Variants in SEC14L2 observed in about 807,000 individuals in gnomAD.
SEC14L2 encodes the protein SEC14-like protein 2.
Under a neutral mutation model 56.9 loss-of-function variants are expected in SEC14L2, and 50 were observed. The ratio of observed to expected loss-of-function variants is 0.88; its 90% CI spans 0.70 to 1.11. The LOEUF (loss-of-function observed/expected upper bound fraction) is 1.11, where lower values mean the gene tolerates loss of function less well. Among genes scored for constraint, SEC14L2 ranks in the 50% most tolerant of loss-of-function variants. SEC14L2 has a pLI of 0.00. For synonymous variants in SEC14L2, 179 were observed against 188.5 expected, an observed-to-expected ratio of 0.95 and a Z score of 0.41; for missense variants, 414 against 500.7, an observed-to-expected ratio of 0.83 and a Z score of 1.65.
chr22:30,411,623 G>A (rs908544593), intron 8 of SEC14L2, among the ~76,000 whole-genome samples: 2 of 150,954 alleles, frequency 1.3e-5, no homozygotes, highest in Non-Finnish European at 2.9e-5. Flanking sequence ...GTGTGCACCT[G>A]TAATCCCAGC....
intron 2 of SEC14L2, among the ~76,000 whole-genome samples, chr22:30,400,859 C>CA (rs1933907590): frequency 8.1e-6 from 1 of 123,056 alleles, no homozygotes; most frequent in Admixed American, 1.1e-4. Flanking sequence ...TTCGCCACTG[C>CA]ACTCCAGCCT....
intron 8 of SEC14L2, 30 bp from the exon 9 acceptor site, chr22:30,415,729 A>G (rs1321789636): frequency 6.3e-7 from 1 of 1,595,468 alleles, no homozygotes; most frequent in Non-Finnish European, 8.6e-7. Context: ...GTTGAGATAC[A>G]TCTTTATCCT....
intron 8 of SEC14L2, among the ~76,000 whole-genome samples, chr22:30,412,779 G>C (rs1934284203): frequency 6.7e-6 from 1 of 149,278 alleles, no homozygotes. Context: ...GTCATGATGG[G>C]TGCCACTGCA....
At chr22:30,410,117 G>T (rs1347043185) in intron 7 of SEC14L2, among the ~76,000 whole-genome samples, 1 of 151,678 alleles carries the variant, frequency 6.6e-6, no homozygotes, top group Admixed American at 6.6e-5. Flanking sequence ...AAAATCACTT[G>T]AACCCGGGAG....
intron 6 of SEC14L2, 55 bp downstream of exon 6, chr22:30,409,337 C>A (rs780886321): frequency 4.4e-6 from 7 of 1,601,486 alleles, no homozygotes; most frequent in Non-Finnish European, 5.1e-6. Flanking sequence ...GAGGAGTAGA[C>A]CCCTCTCCTA....
intron 8 of SEC14L2, among the ~76,000 whole-genome samples, chr22:30,412,503 GGA>G (rs1207745947): frequency 6.6e-6 from 1 of 152,054 alleles, no homozygotes; most frequent in Admixed American, 6.6e-5. Flanking sequence ...GGGATAGAGA[GGA>G]GAGGATGGAT....
intron 1 of SEC14L2, among the ~76,000 whole-genome samples, chr22:30,399,396 T>A (rs1933854553): frequency 6.7e-6 from 1 of 150,356 alleles, no homozygotes; most frequent in South Asian, 2.1e-4. Flanking sequence ...GCCCCTGTAG[T>A]CCCAGCTACT....
chr22:30,399,513 CAAAAAAAAAAA>C (rs60817387), intron 1 of SEC14L2, 119 bp from the exon 2 acceptor site: 52 of 242,840 alleles, frequency 2.1e-4, no homozygotes, highest in Admixed American at 3.6e-4. Context: ...GACTCTATCT[CAAAAAAAAAAA>C]AAAAAAAAAA....
intron 11 of SEC14L2, among the ~76,000 whole-genome samples, chr22:30,418,680 TC>T (rs1934443715): frequency 6.6e-6 from 1 of 152,180 alleles, no homozygotes; most frequent in Non-Finnish European, 1.5e-5. Context: ...CAGGATCCAT[TC>T]CCCCTTCCCA....
rs926138484 is a variant in SEC14L2, at chr22:30,409,300, G to A, written c.519+18G>A. ...ATGGAGAGGTGAGGGGCAGGGGTGG[G>A]GAGGAAGGGGACAGAGGGAAGGGGA... On this transcript the variant is annotated intron_variant, in intron 6 of 11. Transcript: ENST00000615189. 1.9e-6 allele frequency: 3 copies of A among 1,611,044 alleles called. No homozygotes were observed. The highest frequency in any genetic ancestry group is 2.5e-6 in the Non-Finnish European group (3 of 1,177,690).
rs114750549 is a variant in SEC14L2 at position 30,419,287 on chromosome 22, C to T, written c.1081+2884C>T. ...GAAGTGATGGCCGGGCGTGGTGGCTCATGCCTGTAATGCCAGCATTTTGGG... is the reference window on the plus strand; with the variant it reads ...GAAGTGATGGCCGGGCGTGGTGGCTTATGCCTGTAATGCCAGCATTTTGGG... On this transcript the variant is annotated intron_variant, in intron 11 of 11. Coordinates refer to ENST00000615189, the MANE Select transcript of SEC14L2 (RefSeq NM_012429.5). Among the ~76,000 whole-genome samples, 1,165 of 152,324 alleles carry T rather than the reference C, an allele frequency of 7.6e-3. 18 individuals are homozygous for T. Among genetic ancestry groups the T allele is most frequent in the African/African-American group, 0.026 (1,100 of 41,550 alleles).
chr22:30,402,877 A>C (rs2146010813), intron 2 of SEC14L2, among the ~76,000 whole-genome samples: 1 of 151,870 alleles, frequency 6.6e-6, no homozygotes, highest in Middle Eastern at 3.4e-3. Flanking sequence ...CCAGGAATTC[A>C]AGACCAGCCT....
Position 30,411,742 on chromosome 22 carries a change from CAAA to C in SEC14L2, c.664+1080_664+1082del, listed in dbSNP as rs60530235. Among the ~76,000 whole-genome samples, 209 of 67,810 alleles carry C rather than the reference CAAA, an allele frequency of 3.1e-3. 14 individuals are homozygous for C. In the East Asian group the frequency reaches 0.062, roughly 20 times the overall value. The allele number at this position is 67,810 out of a possible 152,430, so 44.5% of individuals were successfully genotyped here. A position where few individuals can be genotyped will look rare whatever the true frequency, so the allele number is the denominator to read the frequency against. On this transcript the variant is annotated intron_variant, in intron 8 of 11. Transcript: ENST00000615189. Reference sequence around the variant, plus strand: ...AGCCTGGGCAACAGAGACTCCGTCTCAAAAAAAAAAAAAAAAAAAGGGGTCCCT... The same window carrying C: ...AGCCTGGGCAACAGAGACTCCGTCTCAAAAAAAAAAAAAAAAGGGGTCCCT...
chr22:30,413,539 G>A (rs553864695), intron 8 of SEC14L2, among the ~76,000 whole-genome samples: 1 of 152,270 alleles, frequency 6.6e-6, no homozygotes, highest in South Asian at 2.1e-4. Flanking sequence ...GGGAAACATA[G>A]TGAGACACCG....
chr22:30,408,865 C>T (rs572374397), intron 5 of SEC14L2, among the ~76,000 whole-genome samples: 13 of 152,320 alleles, frequency 8.5e-5, no homozygotes, highest in Admixed American at 7.2e-4. Flanking sequence ...AGTGGCTCTA[C>T]GGGTACCGTG....
chr22:30,413,537 T>C (rs906830675), intron 8 of SEC14L2, among the ~76,000 whole-genome samples: 1 of 151,964 alleles, frequency 6.6e-6, no homozygotes, highest in African/African-American at 2.4e-5. Context: ...CTGGGAAACA[T>C]AGTGAGACAC....
At chr22:30,413,348 AC>A (rs1934303377) in intron 8 of SEC14L2, among the ~76,000 whole-genome samples, 1 of 152,202 alleles carries the variant, frequency 6.6e-6, no homozygotes, top group African/African-American at 2.4e-5. Context: ...CAAAGAGGAC[AC>A]ACAGGCATCA....
intron 8 of SEC14L2, among the ~76,000 whole-genome samples, chr22:30,414,751 A>G: frequency 6.6e-6 from 1 of 150,760 alleles, no homozygotes; most frequent in Non-Finnish European, 1.5e-5. Flanking sequence ...GACAGGAAGG[A>G]GCTTGGGTAT....
At chr22:30,398,629 A>G in intron 1 of SEC14L2, 1 of 459,374 alleles carries the variant, frequency 2.2e-6, no homozygotes, top group Non-Finnish European at 4.6e-6. Flanking sequence ...TGTTCCCTCC[A>G]CCTGAGTTGC....
Sources: gnomAD v4.1 joint callset for allele counts (sites outside exome capture counted in the v4.1 genomes callset) on GRCh38, gnomAD v4.1.1 for gene constraint, MANE v1.5 for transcripts, NCBI Gene and HGNC (gene_info 2026-07-23, HGNC 2026-07-21) for gene names.